The following TRDMT1 variants were observed in gnomAD, a reference collection of about 807,000 sequenced individuals.
TRDMT1 encodes the protein tRNA (cytosine(38)-C(5))-methyltransferase.
TRDMT1 carries 49 observed loss-of-function variants against 51.2 expected under a neutral mutation model. That is an observed-to-expected ratio of 0.96 (90% CI 0.76 to 1.21). The LOEUF (loss-of-function observed/expected upper bound fraction) is 1.21. Ranked by LOEUF, TRDMT1 falls within the 50% of genes most tolerant of loss-of-function variation. TRDMT1 has a pLI of 0.00. For synonymous variants in TRDMT1, 187 were observed against 164.6 expected (o/e 1.14, Z -1.04); for missense variants, 534 against 462.3 (o/e 1.16, Z -1.42).
chr10:17,160,208 C>A, intron 6 of TRDMT1, 97 bp downstream of exon 6: 1 of 766,556 alleles, frequency 1.3e-6, no homozygotes, highest in Non-Finnish European at 1.9e-6. Flanking sequence ...TAATATTATC[C>A]AAAATAAAGC....
chr10:17,140,037 CTTT>C lies in TRDMT1; in HGVS notation c.*9000_*9002del, dbSNP rs758336473. On this transcript the variant is annotated 3_prime_UTR_variant, in exon 11 of 11. Transcript: ENST00000377799. ...TATTCTTCCAGTAACATCTAGTGTG[CTTT>C]TTTTTTTTTTTTTTTTTTTTTTTGA... 1.8e-4 allele frequency among the ~76,000 whole-genome samples: 4 copies of C among 21,920 alleles called. No individual in the cohort carries two copies. Among genetic ancestry groups the C allele is most frequent in the African/African-American group, 7.5e-4 (4 of 5,356 alleles). 14.4% of individuals were successfully genotyped at this position (21,920 alleles called of 152,430 possible). A position where few individuals can be genotyped will look rare whatever the true frequency, so the allele number is the denominator to read the frequency against.
chr10:17,172,189 T>C (rs755619027), intron 2 of TRDMT1, among the ~76,000 whole-genome samples: 6 of 151,920 alleles, frequency 3.9e-5, no homozygotes, highest in Non-Finnish European at 8.8e-5. Flanking sequence ...TCAAAACACG[T>C]GATAAAGATA....
At chr10:17,185,395 G>A (rs1843747281) in intron 1 of TRDMT1, among the ~76,000 whole-genome samples, 1 of 150,114 alleles carries the variant, frequency 6.7e-6, no homozygotes, top group Admixed American at 6.7e-5. Context: ...AGTTAGAATG[G>A]CGATCATTAA....
rs1018268786 is a variant in TRDMT1, at chr10:17,192,479, C to A, written c.64+9092G>T. ...TAGCCCTGGCGCATCTTTTCTTTCA[C>A]AACCCCAGCATCTCCCTCAGCTCCA... On this transcript the variant is annotated intron_variant, in intron 1 of 10. Coordinates refer to ENST00000377799, the MANE Select transcript of TRDMT1 (RefSeq NM_004412.7). Among the ~76,000 whole-genome samples, 9 of 152,340 alleles carry A rather than the reference C, an allele frequency of 5.9e-5. No individual in the cohort carries two copies. The East Asian group carries it at 1.5e-3, about 26-fold the overall frequency.
Position 17,143,293 on chromosome 10 carries a change from GA to G in TRDMT1, c.*5746del. On this transcript the variant is annotated 3_prime_UTR_variant, in exon 11 of 11. Coordinates refer to ENST00000377799, the MANE Select transcript of TRDMT1 (RefSeq NM_004412.7). ...CAGTACTGTTTTAAGTCACTGGGGG[GA>G]CAACGTATTAACAATCTCTGCCCTT... The G allele has an allele frequency of 1.0e-6, 1 of 984,528 alleles. No homozygotes were observed. Among genetic ancestry groups the G allele is most frequent in the Non-Finnish European group, 1.2e-6 (1 of 829,172 alleles). 61.0% of individuals were successfully genotyped at this position (984,528 alleles called of 1,614,324 possible).
At position 17,142,970 on chromosome 10, in the gene TRDMT1, C is replaced by T. The variant is rs1564538054; in HGVS notation, c.*6070G>A. The T allele has an allele frequency of 3.0e-6, 3 of 984,180 alleles. No homozygotes were observed. Among genetic ancestry groups the T allele is most frequent in the Non-Finnish European group, 3.6e-6 (3 of 828,840 alleles). The allele number at this position is 984,180 out of a possible 1,614,324, so 61.0% of individuals were successfully genotyped here. On this transcript the variant is annotated 3_prime_UTR_variant, in exon 11 of 11. Transcript: ENST00000377799. ...ATAAATCTACACTCTCTTGTCAAGA[C>T]CAGAAGTCAGAATACAGTATTTTAA... is the stretch of plus-strand genomic sequence containing the variant.
At position 17,201,544 on chromosome 10, in the gene TRDMT1, A is replaced by G. The variant is rs767517721; in HGVS notation, c.64+27T>C. The G allele has an allele frequency of 3.2e-5, 50 of 1,543,658 alleles. 1 individual carries two copies. The South Asian group carries it at 5.4e-4, about 17-fold the overall frequency. On this transcript the variant is annotated intron_variant, in intron 1 of 10. Coordinates refer to ENST00000377799, the MANE Select transcript of TRDMT1 (RefSeq NM_004412.7). ...CCAACCAGCCCCCGTGAGCGAATAG[A>G]GAGAGGGGTGCTAGATGGACTCTCA...
At chr10:17,157,065 T>C (rs1839614393) in intron 8 of TRDMT1, among the ~76,000 whole-genome samples, 1 of 152,204 alleles carries the variant, frequency 6.6e-6, no homozygotes, top group Admixed American at 6.6e-5. Context: ...AGTTTAAAAT[T>C]TAATTTCTTA....
In TRDMT1 at chr10:17,145,389, A is replaced by G; in HGVS notation, c.*3651T>C. ...TAAGAAGCTGATATGATAGTTGTAT[A>G]TAGCACATTTGAATGGTAGATGGAA... On this transcript the variant is annotated 3_prime_UTR_variant, in exon 11 of 11. Transcript: ENST00000377799. 1.0e-6 allele frequency: 1 copy of G among 985,466 alleles called. No homozygotes were observed. The highest frequency in any genetic ancestry group is 1.2e-6 in the Non-Finnish European group (1 of 829,944). 61.0% of individuals were successfully genotyped at this position (985,466 alleles called of 1,614,324 possible). A position where few individuals can be genotyped will look rare whatever the true frequency, so the allele number is the denominator to read the frequency against.
chr10:17,196,164 G>A lies in TRDMT1; in HGVS notation c.64+5407C>T, dbSNP rs375493581. Among the ~76,000 whole-genome samples the A allele has an allele frequency of 2.0e-4, 31 of 152,306 alleles. 1 individual carries two copies. Among genetic ancestry groups the A allele is most frequent in the Middle Eastern group, 3.4e-3 (1 of 294 alleles). ...GATTCAGAAAATGAATAATTAATAC[G>A]TGACAAATGAGATGCTTAGCATTTT... On this transcript the variant is annotated intron_variant, in intron 1 of 10. Transcript: ENST00000377799.
chr10:17,150,608 T>C (rs1288387915), intron 10 of TRDMT1: 1 of 984,906 alleles, frequency 1.0e-6, no homozygotes, highest in Non-Finnish European at 1.2e-6. Flanking sequence ...AGCAAGGAAA[T>C]AAAGGAAAAA....
rs1460053865 is a variant in TRDMT1 at position 17,140,359 on chromosome 10, T to C, written c.*8681A>G. Among the ~76,000 whole-genome samples the C allele has an allele frequency of 6.6e-6, 1 of 151,942 alleles. No homozygotes were observed. Among genetic ancestry groups the C allele is most frequent in the East Asian group, 1.9e-4 (1 of 5,188 alleles). On this transcript the variant is annotated 3_prime_UTR_variant, in exon 11 of 11. Coordinates refer to ENST00000377799, the MANE Select transcript of TRDMT1 (RefSeq NM_004412.7). ...GTGAGGCACCATGCCCAGCACTTCT[T>C]TTCTTTTTGGCTGACAGAATTATTC...
At position 17,147,370 on chromosome 10, in the gene TRDMT1, G is replaced by A; in HGVS notation, c.*1670C>T. ...TATGAGTTCTGAAAAATTGGTAATA[G>A]AGTATGATTTTTTCAATTGCAGTAA... On this transcript the variant is annotated 3_prime_UTR_variant, in exon 11 of 11. Coordinates refer to ENST00000377799, the MANE Select transcript of TRDMT1 (RefSeq NM_004412.7). 1.9e-5 allele frequency: 19 copies of A among 983,342 alleles called. No individual in the cohort carries two copies. Among genetic ancestry groups the A allele is most frequent in the Non-Finnish European group, 2.3e-5 (19 of 828,064 alleles). 60.9% of individuals were successfully genotyped at this position (983,342 alleles called of 1,614,324 possible).
chr10:17,140,227 T>C lies in TRDMT1; in HGVS notation c.*8813A>G, dbSNP rs1342703054. 4.7e-5 allele frequency among the ~76,000 whole-genome samples: 7 copies of C among 150,448 alleles called. No individual in the cohort carries two copies. Among genetic ancestry groups the C allele is most frequent in the African/African-American group, 1.7e-4 (7 of 40,890 alleles). ...CCACATCCAGCTATTTTTTTTTTTT[T>C]TTTGTACCTTTAGTAGAGATAGGGT... is the stretch of plus-strand genomic sequence containing the variant. On this transcript the variant is annotated 3_prime_UTR_variant, in exon 11 of 11. Transcript: ENST00000377799.
chr10:17,198,145 T>G (rs1845696012), intron 1 of TRDMT1, among the ~76,000 whole-genome samples: 1 of 152,148 alleles, frequency 6.6e-6, no homozygotes, highest in African/African-American at 2.4e-5. Flanking sequence ...ATGGCTATTA[T>G]TTTTAAAAAA....
At chr10:17,159,910 C>A (rs1267781834) in intron 6 of TRDMT1, among the ~76,000 whole-genome samples, 1 of 151,940 alleles carries the variant, frequency 6.6e-6, no homozygotes, top group Non-Finnish European at 1.5e-5. Flanking sequence ...ATGTTATGTC[C>A]CCAAAGCAGT....
In TRDMT1 at chr10:17,162,251, AAAAAAAAAAAAC is replaced by A. The variant is rs753614068; in HGVS notation, c.252-26_252-15del. On this transcript the variant is annotated splice_polypyrimidine_tract_variant and intron_variant, in intron 3 of 10. Coordinates refer to ENST00000377799, the MANE Select transcript of TRDMT1 (RefSeq NM_004412.7). The stretch of plus-strand genomic sequence containing the variant: ...TGCCGGCCAATCCTAAAGGGGTAAA[AAAAAAAAAAAAC>A]AAAAAAAAACACAGAAAGTTTATTA... The A allele has an allele frequency of 8.7e-6, 13 of 1,502,652 alleles. No individual in the cohort carries two copies. The African/African-American group carries it at 1.1e-4, about 13-fold the overall frequency. The allele number at this position is 1,502,652 out of a possible 1,614,324, so 93.1% of individuals were successfully genotyped here.
Position 17,143,842 on chromosome 10 carries a change from G to A in TRDMT1, c.*5198C>T, listed in dbSNP as rs900430098. ...AACTTGGAAGATGTGGAGACTAACC[G>A]TACCATAAATATTAAAGTCAAGAGT... On this transcript the variant is annotated 3_prime_UTR_variant, in exon 11 of 11. Transcript: ENST00000377799. 2.8e-5 allele frequency: 28 copies of A among 985,282 alleles called. No individual in the cohort carries two copies. Among genetic ancestry groups the A allele is most frequent in the Admixed American group, 1.2e-4 (2 of 16,258 alleles). The allele number at this position is 985,282 out of a possible 1,614,324, so 61.0% of individuals were successfully genotyped here.
In TRDMT1 at chr10:17,140,338, G is replaced by A. The variant is rs1396144330; in HGVS notation, c.*8702C>T. ...CAAAGTGCTGGGATTACAGGTGTGA[G>A]GCACCATGCCCAGCACTTCTTTTCT... On this transcript the variant is annotated 3_prime_UTR_variant, in exon 11 of 11. Transcript: ENST00000377799. Among the ~76,000 whole-genome samples the A allele has an allele frequency of 1.3e-5, 2 of 151,702 alleles. No individual in the cohort carries two copies. The highest frequency in any genetic ancestry group is 2.9e-5 in the Non-Finnish European group (2 of 67,944).
Sources: allele counts gnomAD v4.1 joint callset (sites outside exome capture counted in the v4.1 genomes callset), GRCh38; gene constraint gnomAD v4.1.1; transcripts MANE v1.5; gene names NCBI Gene and HGNC (gene_info 2026-07-23, HGNC 2026-07-21).